Variants in VIPR2 observed in about 807,000 individuals in gnomAD.
The protein encoded by VIPR2 is vasoactive intestinal peptide receptor 2, also known as vasoactive intestinal polypeptide receptor 2.
VIPR2 carries 48 observed loss-of-function variants against 58.0 expected under a neutral mutation model. The observed-to-expected ratio is 0.83, with a 90% CI of 0.66 to 1.05. The LOEUF (loss-of-function observed/expected upper bound fraction) is 1.05, where lower values mean the gene tolerates loss of function less well. Ranked by LOEUF, VIPR2 falls within the 50% of genes least tolerant of loss-of-function variation. The probability of loss-of-function intolerance (pLI) is 0.00; values close to 1 mark genes in which losing one functional copy is unlikely to be tolerated. For synonymous variants in VIPR2, 243 were observed against 235.2 expected (o/e 1.03, Z -0.30); for missense variants, 534 against 558.0 (o/e 0.96, Z 0.43).
At chr7:159,079,398 A>T (rs1315362207) in intron 4 of VIPR2, among the ~76,000 whole-genome samples, 1 of 152,212 alleles carries the variant, frequency 6.6e-6, no homozygotes, top group Non-Finnish European at 1.5e-5. Context: ...TGAAGGCAGA[A>T]ATAAAGATGT....
intron 6 of VIPR2, among the ~76,000 whole-genome samples, chr7:159,042,128 T>G (rs2129493397): frequency 6.6e-6 from 1 of 152,290 alleles, no homozygotes; most frequent in East Asian, 1.9e-4. Context: ...ATAAACGGCT[T>G]TACTATCTTA....
chr7:159,106,066 C>T (rs867385844), intron 3 of VIPR2, among the ~76,000 whole-genome samples: 2 of 152,180 alleles, frequency 1.3e-5, no homozygotes, highest in Non-Finnish European at 2.9e-5. Flanking sequence ...ATGGGCCAAG[C>T]GCCACACCTG....
chr7:159,125,758 G>A (rs1361082080), intron 2 of VIPR2, among the ~76,000 whole-genome samples: 1 of 152,118 alleles, frequency 6.6e-6, no homozygotes, highest in Non-Finnish European at 1.5e-5. Flanking sequence ...GACACCTGGT[G>A]TCAGCCTGGA....
chr7:159,055,493 T>C (rs1040736998), intron 5 of VIPR2, among the ~76,000 whole-genome samples: 9 of 152,182 alleles, frequency 5.9e-5, no homozygotes, highest in Admixed American at 2.0e-4. Context: ...CTGAATTTTC[T>C]CGGTGTCTTG....
intron 5 of VIPR2, among the ~76,000 whole-genome samples, chr7:159,050,512 T>G (rs1231292771): frequency 6.6e-6 from 1 of 151,542 alleles, no homozygotes; most frequent in Non-Finnish European, 1.5e-5. Context: ...AATAGAAAAT[T>G]TAAAACTTAA....
chr7:159,138,806 T>C (rs961797904), intron 2 of VIPR2, among the ~76,000 whole-genome samples: 7 of 152,258 alleles, frequency 4.6e-5, no homozygotes, highest in South Asian at 2.1e-4. Flanking sequence ...TCCCATTATA[T>C]ACATTTTTGA....
Position 159,120,722 on chromosome 7 carries a change from G to A in VIPR2, c.152-10803C>T, listed in dbSNP as rs181416562. Among the ~76,000 whole-genome samples the A allele has an allele frequency of 3.1e-3, 473 of 152,272 alleles. 2 individuals are homozygous for A. The highest frequency in any genetic ancestry group is 4.9e-3 in the Non-Finnish European group (330 of 68,020). On this transcript the variant is annotated intron_variant, in intron 2 of 12. Coordinates refer to ENST00000262178, the MANE Select transcript of VIPR2 (RefSeq NM_003382.5). ...CCTGGGTGGCAGGTGCAGCTGTGCGGGCTCCATCTCTGTGTCCCACCGCAC... is the reference window on the plus strand; with the variant it reads ...CCTGGGTGGCAGGTGCAGCTGTGCGAGCTCCATCTCTGTGTCCCACCGCAC...
chr7:159,120,503 T>C (rs1796415018), intron 2 of VIPR2, among the ~76,000 whole-genome samples: 1 of 152,230 alleles, frequency 6.6e-6, no homozygotes, highest in Non-Finnish European at 1.5e-5. Flanking sequence ...CTAGAACTTT[T>C]CATATCTAAG....
intron 5 of VIPR2, among the ~76,000 whole-genome samples, chr7:159,052,876 T>C (rs1419013047): frequency 6.6e-6 from 1 of 152,224 alleles, no homozygotes; most frequent in East Asian, 1.9e-4. Flanking sequence ...TGAGAGAAAC[T>C]TAATTTGGTA....
At chr7:159,046,256 G>A (rs749757389) in intron 5 of VIPR2, among the ~76,000 whole-genome samples, 2 of 152,160 alleles carry the variant, frequency 1.3e-5, no homozygotes, top group Non-Finnish European at 2.9e-5. Flanking sequence ...CAAACAAAAC[G>A]TGTACATGAA....
At chr7:159,143,192 A>G (rs1797543923) in intron 1 of VIPR2, among the ~76,000 whole-genome samples, 1 of 152,226 alleles carries the variant, frequency 6.6e-6, no homozygotes, top group Non-Finnish European at 1.5e-5. Flanking sequence ...CCACAAAGAT[A>G]GTAATTAACA....
intron 2 of VIPR2, among the ~76,000 whole-genome samples, chr7:159,112,703 C>G (rs1261298342): frequency 2.0e-5 from 3 of 149,644 alleles, no homozygotes; most frequent in Admixed American, 6.7e-5. Flanking sequence ...CTGGGACCGA[C>G]CCTGACTGTG....
chr7:159,063,189 C>T (rs11983907), intron 4 of VIPR2, among the ~76,000 whole-genome samples: 13,422 of 152,092 alleles, frequency 0.088, 654 homozygotes, highest in Middle Eastern at 0.15. Flanking sequence ...GAGCAGGGGG[C>T]GGCACTTGTA....
intron 2 of VIPR2, among the ~76,000 whole-genome samples, chr7:159,142,066 CA>C (rs1177087061): frequency 6.6e-6 from 1 of 152,212 alleles, no homozygotes; most frequent in Non-Finnish European, 1.5e-5. Flanking sequence ...TTAACCAGAT[CA>C]AAATCATCTG....
intron 4 of VIPR2, among the ~76,000 whole-genome samples, chr7:159,071,736 C>G (rs1856404644): frequency 6.6e-6 from 1 of 152,252 alleles, no homozygotes; most frequent in Admixed American, 6.5e-5. Context: ...AGTGCAGTCA[C>G]ACCGCACACA....
At chr7:159,129,962 C>T (rs1796827311) in intron 2 of VIPR2, among the ~76,000 whole-genome samples, 1 of 116,942 alleles carries the variant, frequency 8.6e-6, no homozygotes, top group African/African-American at 4.1e-5. Context: ...TCAAACTGGC[C>T]TCTGGCGGGG....
At chr7:159,100,846 C>A (rs1307181371) in intron 4 of VIPR2, among the ~76,000 whole-genome samples, 1 of 150,140 alleles carries the variant, frequency 6.7e-6, no homozygotes, top group African/African-American at 2.5e-5. Flanking sequence ...CGAGGCTGTT[C>A]CCCCGACTGT....
chr7:159,096,970 G>A lies in VIPR2; in HGVS notation c.357+6787C>T. 2 of 1,550,614 alleles carry A rather than the reference G, an allele frequency of 1.3e-6. No individual in the cohort carries two copies. The highest frequency in any genetic ancestry group is 1.7e-6 in the Non-Finnish European group (2 of 1,146,998). The stretch of plus-strand genomic sequence containing the variant: ...TGAGCTTGGCACCTGCTGGGCCTGA[G>A]GACCATGAGGGGAGGCTTCCTTCAG... On this transcript the variant is annotated intron_variant, in intron 4 of 12. Coordinates refer to ENST00000262178, the MANE Select transcript of VIPR2 (RefSeq NM_003382.5). The surrounding 1 kb of genome is among the most constrained non-coding windows in gnomAD (Gnocchi z 5.5).
chr7:159,069,390 C>T (rs1263480287), intron 4 of VIPR2, among the ~76,000 whole-genome samples: 1 of 152,138 alleles, frequency 6.6e-6, no homozygotes, highest in South Asian at 2.1e-4. Context: ...GCTGTAGGCC[C>T]CAGACAACAA....
Sources: allele counts gnomAD v4.1 joint callset (sites outside exome capture counted in the v4.1 genomes callset), GRCh38; gene constraint gnomAD v4.1.1; non-coding constraint Gnocchi (gnomAD v3.1); transcripts MANE v1.5; gene names NCBI Gene and HGNC (gene_info 2026-07-23, HGNC 2026-07-21).